The following SORCS1 variants were observed in gnomAD, a reference collection of about 807,000 sequenced individuals.
The protein encoded by SORCS1 is sortilin related VPS10 domain containing receptor 1.
In SORCS1, 60 loss-of-function variants were observed where a neutral mutation model predicts 146.1. That is an observed-to-expected ratio of 0.41 (90% CI 0.33 to 0.51). SORCS1 has a LOEUF of 0.51. Ranked by LOEUF, SORCS1 falls within the 20% of genes least tolerant of loss-of-function variation. SORCS1 has a pLI of 0.21. For missense variants in SORCS1, 1,352 were observed against 1,487.6 expected, an observed-to-expected ratio of 0.91 and a Z score of 1.50; for synonymous variants, 637 against 584.0, an observed-to-expected ratio of 1.09 and a Z score of -1.31.
chr10:106,691,305 T>C lies in SORCS1; in HGVS notation c.1414-2967A>G, dbSNP rs182427027. On this transcript the variant is annotated intron_variant, in intron 9 of 25. Coordinates refer to ENST00000263054, the MANE Select transcript of SORCS1 (RefSeq NM_052918.5). ...CCATGGGAATGGTACATCCCACTGT[T>C]GGAAGTCTGTCCTCCTTTGGGAAAA... Among the ~76,000 whole-genome samples the C allele has an allele frequency of 9.8e-5, 15 of 152,306 alleles. No individual in the cohort carries two copies. In the East Asian group the frequency reaches 2.5e-3, roughly 26 times the overall value.
At chr10:106,883,825 T>A (rs937934760) in intron 2 of SORCS1, among the ~76,000 whole-genome samples, 2 of 152,238 alleles carry the variant, frequency 1.3e-5, no homozygotes, top group Non-Finnish European at 2.9e-5. Flanking sequence ...ATGTTTCTGA[T>A]CTTGCACAGG....
At chr10:106,730,389 A>G (rs1055784396) in intron 5 of SORCS1, among the ~76,000 whole-genome samples, 1 of 152,246 alleles carries the variant, frequency 6.6e-6, no homozygotes, top group South Asian at 2.1e-4. Flanking sequence ...GGTCCTACGC[A>G]TGTTGGGTGT....
rs985136833 is a variant in SORCS1 at position 107,164,303 on chromosome 10, C to T, written c.224G>A (p.Arg75His). ...APATPLPLVV[R>H]PLFSVAPGDR... is the part of the protein sequence containing the mutation. ...CCCGGGGGCCACTGAGAACAGGGGA[C>T]GCACTACGAGGGGCAGGGGCGTGGC... is the stretch of plus-strand genomic sequence containing the variant. The change falls in exon 1 of 26, where the codon CGT (arginine) becomes CAT (histidine). Residue 75 changes from arginine (R) to histidine (H), a missense_variant. Physicochemically the swap from Arg to His is conservative, Grantham distance 29 (BLOSUM62 0). This residue lies in a region of SORCS1 where 490 missense variants were observed against 489.1 expected (regional missense o/e 1.00). Coordinates refer to ENST00000263054, the MANE Select transcript of SORCS1 (RefSeq NM_052918.5). The surrounding 1 kb of genome is among the most constrained non-coding windows in gnomAD (Gnocchi z 6.8). 7 of 1,583,646 alleles carry T rather than the reference C, an allele frequency of 4.4e-6. No homozygotes were observed. The Admixed American group carries it at 7.0e-5, about 16-fold the overall frequency.
chr10:106,817,151 G>T (rs1221050019), intron 3 of SORCS1, among the ~76,000 whole-genome samples: 1 of 152,142 alleles, frequency 6.6e-6, no homozygotes, highest in Non-Finnish European at 1.5e-5. Flanking sequence ...TCAAATACAT[G>T]CCTTCCTATA....
chr10:106,675,031 T>A lies in SORCS1; in HGVS notation c.1940+18A>T, dbSNP rs536163232. On this transcript the variant is annotated intron_variant, in intron 14 of 25. Transcript: ENST00000263054. ...TCTTTTCTATGAAGGCTGGACCACA[T>A]CATACTTTTCAACTTACGTCATGAT... The A allele has an allele frequency of 1.9e-6, 3 of 1,586,210 alleles. No homozygotes were observed. The South Asian group carries it at 3.3e-5, about 18-fold the overall frequency.
chr10:106,790,033 C>T (rs548706346), intron 3 of SORCS1, among the ~76,000 whole-genome samples: 8 of 152,280 alleles, frequency 5.3e-5, no homozygotes, highest in Admixed American at 1.3e-4. Context: ...TAGTTAGGGT[C>T]GGGTGGGGAC....
At chr10:106,611,005 G>A (rs966342858) in intron 22 of SORCS1, among the ~76,000 whole-genome samples, 25 of 152,172 alleles carry the variant, frequency 1.6e-4, no homozygotes, top group Non-Finnish European at 3.1e-4. Flanking sequence ...GCTTGAACCC[G>A]GAAGGCAGAG....
intron 2 of SORCS1, among the ~76,000 whole-genome samples, chr10:106,896,046 T>C (rs921746846): frequency 1.3e-5 from 2 of 152,142 alleles, no homozygotes; most frequent in African/African-American, 4.8e-5. Flanking sequence ...TTGGCGACAT[T>C]ATGCTAAGTG....
intron 2 of SORCS1, among the ~76,000 whole-genome samples, chr10:106,905,937 T>C (rs1449135799): frequency 3.3e-5 from 5 of 152,226 alleles, no homozygotes; most frequent in Non-Finnish European, 7.3e-5. Context: ...CTTTTTGTAC[T>C]ATCTCTGAGG....
chr10:106,579,525 A>G (rs1195629336), intron 24 of SORCS1, 51 bp from the exon 25 acceptor site: 1 of 1,570,006 alleles, frequency 6.4e-7, no homozygotes, highest in South Asian at 1.1e-5. Context: ...TGGGCAGGTG[A>G]GACTCTATGA....
At chr10:106,964,935 G>A (rs557816741) in intron 1 of SORCS1, among the ~76,000 whole-genome samples, 2 of 150,778 alleles carry the variant, frequency 1.3e-5, no homozygotes, top group African/African-American at 4.9e-5. Flanking sequence ...TTGAGTCCTG[G>A]TTTAGCCACC....
At chr10:107,170,330 C>T in the SORCS1 span, among the ~76,000 whole-genome samples, 1 of 152,178 alleles carries the variant, frequency 6.6e-6, no homozygotes, top group Admixed American at 6.5e-5. Flanking sequence ...TTAAACTAAA[C>T]TTGGAGCTAC....
intron 2 of SORCS1, among the ~76,000 whole-genome samples, chr10:106,884,346 T>C (rs1950917060): frequency 6.6e-6 from 1 of 152,194 alleles, no homozygotes. Context: ...CACCTTTCTC[T>C]GGAAGCATCA....
chr10:107,143,922 C>A (rs1214554531), intron 1 of SORCS1, among the ~76,000 whole-genome samples: 1 of 152,066 alleles, frequency 6.6e-6, no homozygotes, highest in Admixed American at 6.6e-5. Flanking sequence ...TGAGCCACTG[C>A]GCCCAGCCCC....
At chr10:107,151,801 G>A (rs1968822037) in intron 1 of SORCS1, among the ~76,000 whole-genome samples, 1 of 152,212 alleles carries the variant, frequency 6.6e-6, no homozygotes, top group Non-Finnish European at 1.5e-5. Flanking sequence ...TCTGGTGGAA[G>A]AAATTTCTAA....
intron 23 of SORCS1, among the ~76,000 whole-genome samples, chr10:106,601,472 C>T (rs529951666): frequency 9.5e-4 from 145 of 152,302 alleles, no homozygotes; most frequent in African/African-American, 3.3e-3. Flanking sequence ...TAAAGTCCCA[C>T]TTAAAAGGAC....
chr10:106,979,684 A>G (rs187388842), intron 1 of SORCS1, among the ~76,000 whole-genome samples: 1 of 152,294 alleles, frequency 6.6e-6, no homozygotes, highest in African/African-American at 2.4e-5. Flanking sequence ...TGCTTGAAGG[A>G]TATGGGCTCT....
chr10:107,030,705 C>T (rs747402565), intron 1 of SORCS1, among the ~76,000 whole-genome samples: 3 of 152,172 alleles, frequency 2.0e-5, no homozygotes, highest in Non-Finnish European at 4.4e-5. Context: ...TACAAGTCAT[C>T]ATTTTAAAGG....
chr10:106,955,248 C>T (rs1045641000), intron 2 of SORCS1, among the ~76,000 whole-genome samples: 2 of 152,134 alleles, frequency 1.3e-5, no homozygotes, highest in African/African-American at 2.4e-5. Flanking sequence ...GCTGGTGTCC[C>T]CGAGTTTTTA....
Sources: allele counts gnomAD v4.1 joint callset (sites outside exome capture counted in the v4.1 genomes callset), GRCh38; gene constraint gnomAD v4.1.1; regional missense constraint gnomAD v4.1.1; non-coding constraint Gnocchi (gnomAD v3.1); transcripts MANE v1.5; gene names NCBI Gene and HGNC (gene_info 2026-07-23, HGNC 2026-07-21).